TXLNA: variants seen among roughly 807,000 people sequenced by gnomAD.
TXLNA encodes taxilin alpha.
In TXLNA, 9 loss-of-function variants were observed where a neutral mutation model predicts 61.4. The ratio of observed to expected loss-of-function variants is 0.15; its 90% CI spans 0.09 to 0.26. The LOEUF (loss-of-function observed/expected upper bound fraction) is 0.26. TXLNA is among the 10% of genes least tolerant of loss of function. TXLNA has a pLI of 1.00. For synonymous variants in TXLNA, 257 were observed against 267.7 expected, an observed-to-expected ratio of 0.96 and a Z score of 0.39; for missense variants, 565 against 688.8, an observed-to-expected ratio of 0.82 and a Z score of 2.01.
rs1642629747 is a variant in TXLNA, at chr1:32,180,482, C to G, written c.137C>G (p.Pro46Arg). The part of the protein sequence containing the change: ...QAAPAVEAEG[P>R]GSSQAPRKPE... ...GCTCCTGCAGTAGAAGCAGAAGGTC[C>G]CGGCAGCAGCCAGGCTCCTCGGAAG... is the stretch of plus-strand genomic sequence containing the variant. Residue 46 changes from proline (P) to arginine (R), a missense_variant, in exon 2 of 11, where the codon CCC (proline) becomes CGC (arginine). Transcript: ENST00000373610. 1.2e-6 allele frequency: 2 copies of G among 1,609,544 alleles called. No individual in the cohort carries two copies. The highest frequency in any genetic ancestry group is 1.7e-6 in the Non-Finnish European group (2 of 1,178,016).
chr1:32,194,207 G>C (rs12565348), intron 10 of TXLNA, 47 bp downstream of exon 10: 1 of 1,475,034 alleles, frequency 6.8e-7, no homozygotes, highest in South Asian at 1.2e-5. Context: ...TGCACTTAGC[G>C]CATATCAGGC....
intron 2 of TXLNA, 147 bp downstream of exon 2, chr1:32,180,661 G>A (rs1642635942): frequency 9.3e-7 from 1 of 1,073,492 alleles, no homozygotes; most frequent in Non-Finnish European, 1.3e-6. Flanking sequence ...TCCCCCCTGC[G>A]CTCTGGCGAG....
chr1:32,188,508 A>G (rs1642836826), intron 5 of TXLNA, among the ~76,000 whole-genome samples: 1 of 152,042 alleles, frequency 6.6e-6, no homozygotes, highest in Admixed American at 6.6e-5. Context: ...TGTGCTGGCA[A>G]ATGCCTATAA....
rs780133544 is a variant in TXLNA at position 32,194,999 on chromosome 1, A to G, written c.1445A>G (p.Asn482Ser). ...CTGCAGACAGAGCGCAATGACCTGA[A>G]CAAGAGGGTACAGGACCTGAGTGCT... is the stretch of plus-strand genomic sequence containing the variant. ...RALQTERNDL[N>S]KRVQDLSAGG... Residue 482 changes from asparagine to serine, a missense_variant, in exon 11 of 11, where the codon AAC (asparagine) becomes AGC (serine). Coordinates refer to ENST00000373610, the MANE Select transcript of TXLNA (RefSeq NM_175852.4). The G allele has an allele frequency of 6.2e-7, 1 of 1,614,206 alleles. No individual in the cohort carries two copies. The highest frequency in any genetic ancestry group is 1.1e-5 in the South Asian group (1 of 91,086).
Position 32,188,082 on chromosome 1 carries a change from GA to G in TXLNA, c.727del (p.Ser243AlafsTer31), listed in dbSNP as rs1642825042. On this transcript the variant is annotated frameshift_variant, in exon 5 of 11. Coordinates refer to ENST00000373610, the MANE Select transcript of TXLNA (RefSeq NM_175852.4). LOFTEE classifies it high-confidence loss of function. ...CCGTCCTGGCCCGCAGCAAGCTTGAGAGCCTATGCCGTGAGCTGCAGCGGCA... is the reference window on the plus strand; with the variant it reads ...CCGTCCTGGCCCGCAGCAAGCTTGAGGCCTATGCCGTGAGCTGCAGCGGCA... ...KAVLARSKLESLCRELQRHNR... is the reference protein window; with the variant it reads ...KAVLARSKLEXLCRELQRHNR... 1 of 1,586,044 alleles carries G rather than the reference GA, an allele frequency of 6.3e-7. No individual in the cohort carries two copies. Among genetic ancestry groups the G allele is most frequent in the Non-Finnish European group, 8.6e-7 (1 of 1,165,612 alleles).
intron 6 of TXLNA, among the ~76,000 whole-genome samples, chr1:32,191,959 A>T (rs1301574993): frequency 6.6e-6 from 1 of 152,246 alleles, no homozygotes; most frequent in Non-Finnish European, 1.5e-5. Flanking sequence ...GTTTTTGCCC[A>T]TTCTTCCCAT....
In TXLNA at chr1:32,180,240, G is replaced by A. The variant is rs1461477384; in HGVS notation, c.-32-74G>A. 5 of 1,403,664 alleles carry A rather than the reference G, an allele frequency of 3.6e-6. No individual in the cohort carries two copies. The Admixed American group carries it at 8.5e-5, about 24-fold the overall frequency. 87.0% of individuals were successfully genotyped at this position (1,403,664 alleles called of 1,614,324 possible). On this transcript the variant is annotated intron_variant, in intron 1 of 10. Transcript: ENST00000373610. ...TTATTTTAAGAAGCTTTGTGCGCCT[G>A]CTGTGGGGATTTCTGATCCAGGCTG...
chr1:32,194,286 G>T, intron 10 of TXLNA, 126 bp downstream of exon 10: 1 of 767,154 alleles, frequency 1.3e-6, no homozygotes. Context: ...TGCACACAAT[G>T]TCCAAGTCCA....
Position 32,190,255 on chromosome 1 carries a change from G to T in TXLNA, c.963+6G>T, listed in dbSNP as rs1481534429. 2.5e-6 allele frequency: 4 copies of T among 1,585,558 alleles called. No homozygotes were observed. Among genetic ancestry groups the T allele is most frequent in the Non-Finnish European group, 3.4e-6 (4 of 1,161,060 alleles). ...AGTATGAGCTGCGCGAGGAGGTAAGGGTATCACGGACAGCAGTCATGGCCC... is the reference window on the plus strand; with the variant it reads ...AGTATGAGCTGCGCGAGGAGGTAAGTGTATCACGGACAGCAGTCATGGCCC... On this transcript the variant is annotated splice_donor_region_variant and intron_variant, in intron 6 of 10. Transcript: ENST00000373610.
chr1:32,195,244 G>C lies in TXLNA; in HGVS notation c.*49G>C. 6.6e-7 allele frequency: 1 copy of C among 1,515,294 alleles called. No homozygotes were observed. Among genetic ancestry groups the C allele is most frequent in the South Asian group, 1.3e-5 (1 of 74,968 alleles). 93.9% of individuals were successfully genotyped at this position (1,515,294 alleles called of 1,614,324 possible). ...GGGAAGGGAGCGGCAGCCCAGCCAG[G>C]CCTGGCCCATAAAAGGCTCCCATGC... On this transcript the variant is annotated 3_prime_UTR_variant, in exon 11 of 11. Coordinates refer to ENST00000373610, the MANE Select transcript of TXLNA (RefSeq NM_175852.4).
intron 4 of TXLNA, among the ~76,000 whole-genome samples, chr1:32,187,607 T>G (rs780068906): frequency 1.3e-4 from 20 of 152,190 alleles, no homozygotes; most frequent in Non-Finnish European, 2.4e-4. Flanking sequence ...GCAGGTGGTC[T>G]CATCCTCGGG....
rs1557497211 is a variant in TXLNA at position 32,181,257 on chromosome 1, C to T, written c.185C>T (p.Thr62Met). 3.1e-6 allele frequency: 5 copies of T among 1,592,656 alleles called. No individual in the cohort carries two copies. The highest frequency in any genetic ancestry group is 1.1e-5 in the South Asian group (1 of 88,952). The change falls in exon 3 of 11, where the codon ACG (threonine) becomes ATG (methionine). Residue 62 changes from threonine (T) to methionine (M), a missense_variant. By Grantham distance (81) the Thr-to-Met change is moderately conservative (BLOSUM62 -1). Coordinates refer to ENST00000373610, the MANE Select transcript of TXLNA (RefSeq NM_175852.4). Reference protein sequence around the residue: ...PRKPEGAQARTAQSGALRDVS... With the variant: ...PRKPEGAQARMAQSGALRDVS... ...CCTGCTGTAGGGGCTCAAGCCAGAACGGCTCAGTCTGGGGCCCTTCGTGAT... is the reference window on the plus strand; with the variant it reads ...CCTGCTGTAGGGGCTCAAGCCAGAATGGCTCAGTCTGGGGCCCTTCGTGAT...
In TXLNA at chr1:32,196,447, G is replaced by A. The variant is rs1643026949; in HGVS notation, c.*1252G>A. ...TCTTCCTGTGTGGGAGCCCATAGCTGTTGTCTAACAGGTAAGAAATGAAAT... is the reference window on the plus strand; with the variant it reads ...TCTTCCTGTGTGGGAGCCCATAGCTATTGTCTAACAGGTAAGAAATGAAAT... On this transcript the variant is annotated 3_prime_UTR_variant, in exon 11 of 11. Transcript: ENST00000373610. 1 of 152,174 alleles carries A rather than the reference G, an allele frequency of 6.6e-6. No individual in the cohort carries two copies. The highest frequency in any genetic ancestry group is 6.5e-5 in the Admixed American group (1 of 15,280). The allele number at this position is 152,174 out of a possible 1,614,324, so 9.4% of individuals were successfully genotyped here.
rs940032671 is a variant in TXLNA, at chr1:32,181,381, G to A, written c.309G>A (p.Glu103=). Reference sequence around the variant, plus strand: ...CCGGCGAGGATGGGGCACAGGGTGAGCCGGCTGAACCCGAAGATGCAGAGA... The same window carrying A: ...CCGGCGAGGATGGGGCACAGGGTGAACCGGCTGAACCCGAAGATGCAGAGA... The part of the protein sequence containing the change: ...GGPGEDGAQG[E]PAEPEDAEKS... Residue 103 remains glutamate, a synonymous_variant, in exon 3 of 11, where the codon GAG becomes GAA. Coordinates refer to ENST00000373610, the MANE Select transcript of TXLNA (RefSeq NM_175852.4). 2 of 1,614,096 alleles carry A rather than the reference G, an allele frequency of 1.2e-6. No individual in the cohort carries two copies. Among genetic ancestry groups the A allele is most frequent in the African/African-American group, 2.7e-5 (2 of 74,936 alleles).
Position 32,181,471 on chromosome 1 carries a change from G to A in TXLNA, c.399G>A (p.Lys133=). 1 of 1,613,492 alleles carries A rather than the reference G, an allele frequency of 6.2e-7. No individual in the cohort carries two copies. The change falls in exon 3 of 11, where the codon AAG becomes AAA. Residue 133 remains lysine, a synonymous_variant. Coordinates refer to ENST00000373610, the MANE Select transcript of TXLNA (RefSeq NM_175852.4). ...CAACTCCAGTAGTCAATGGAGAGAA[G>A]GAACCCTCCAAGGGGGATCCAAACA... The part of the protein sequence containing the change: ...PEPTPVVNGE[K]EPSKGDPNTE...
In TXLNA at chr1:32,197,224, C is replaced by G. The variant is rs1184627683; in HGVS notation, c.*2029C>G. The G allele has an allele frequency of 1.3e-5, 2 of 152,260 alleles. No individual in the cohort carries two copies. The highest frequency in any genetic ancestry group is 2.9e-5 in the Non-Finnish European group (2 of 68,078). The allele number at this position is 152,260 out of a possible 1,614,324, so 9.4% of individuals were successfully genotyped here. A position where few individuals can be genotyped will look rare whatever the true frequency, so the allele number is the denominator to read the frequency against. ...TGCAGGGAAGAGGCAGAGGTATGCA[C>G]CTTCCCCCTTGAAGAGAGGGGAAAG... On this transcript the variant is annotated 3_prime_UTR_variant, in exon 11 of 11. Transcript: ENST00000373610. This position sits in a 1 kb window ranked among gnomAD's most constrained non-coding sequence, Gnocchi z 4.6.
intron 5 of TXLNA, among the ~76,000 whole-genome samples, chr1:32,188,520 C>CCA (rs1417841388): frequency 2.0e-5 from 3 of 152,048 alleles, no homozygotes; most frequent in Non-Finnish European, 4.4e-5. Context: ...TGCCTATAAT[C>CCA]CCAGCTACTC....
chr1:32,190,606 T>C (rs1433392052), intron 6 of TXLNA, among the ~76,000 whole-genome samples: 2 of 152,208 alleles, frequency 1.3e-5, no homozygotes, highest in East Asian at 3.8e-4. Flanking sequence ...ATTTATGCAG[T>C]AGAACTTCCA....
rs775174590 is a variant in TXLNA, at chr1:32,195,137, C to T, written c.1583C>T (p.Pro528Leu). ...GAAGCGCCTTGCTACCCAGGAGCACCGAGCACAGAAGCATCAGGCCAGACT... is the reference window on the plus strand; with the variant it reads ...GAAGCGCCTTGCTACCCAGGAGCACTGAGCACAGAAGCATCAGGCCAGACT... ...VTEAPCYPGA[P>L]STEASGQTGP... Residue 528 changes from proline to leucine, a missense_variant, in exon 11 of 11, where the codon CCG becomes CTG. This residue lies in a region of TXLNA where 373 missense variants were observed against 504.0 expected (regional missense o/e 0.74). Transcript: ENST00000373610. 16 of 1,613,596 alleles carry T rather than the reference C, an allele frequency of 9.9e-6. No homozygotes were observed. In the African/African-American group the frequency reaches 1.1e-4, roughly 11 times the overall value.
Sources: gnomAD v4.1 joint callset for allele counts (sites outside exome capture counted in the v4.1 genomes callset) on GRCh38, gnomAD v4.1.1 for gene constraint, gnomAD v4.1.1 regional missense constraint, Gnocchi (gnomAD v3.1) non-coding constraint, MANE v1.5 for transcripts, NCBI Gene and HGNC (gene_info 2026-07-23, HGNC 2026-07-21) for gene names.